The following TOP1MT variants were observed in gnomAD, a reference collection of about 807,000 sequenced individuals.
TOP1MT encodes the protein DNA topoisomerase I, mitochondrial.
Under a neutral mutation model 73.9 loss-of-function variants are expected in TOP1MT, and 80 were observed. That is an observed-to-expected ratio of 1.08 (90% confidence interval 0.90 to 1.30). TOP1MT has a LOEUF of 1.30. Among genes scored for constraint, TOP1MT ranks in the 50% most tolerant of loss-of-function variants. The probability of loss-of-function intolerance (pLI) is 0.00; values close to 1 mark genes in which losing one functional copy is unlikely to be tolerated. For synonymous variants in TOP1MT, 338 were observed against 326.4 expected (o/e 1.04, Z -0.38); for missense variants, 815 against 808.0 (o/e 1.01, Z -0.10).
At chr8:143,312,373 C>T (rs1327360494) in intron 12 of TOP1MT, among the ~76,000 whole-genome samples, 1 of 152,072 alleles carries the variant, frequency 6.6e-6, no homozygotes. Context: ...TACACAATTG[C>T]TCAAGTAGGA....
rs1278424258 is a variant in TOP1MT at position 143,334,788 on chromosome 8, G to C, written c.74C>G (p.Ser25Cys). The change falls in exon 1 of 14, where the codon TCC becomes TGC. Residue 25 changes from serine to cysteine, a missense_variant. Around this residue, in one of 3 missense-constraint regions of TOP1MT, gnomAD observed 60 missense variants for 65.9 expected, o/e 0.91. Coordinates refer to ENST00000329245, the MANE Select transcript of TOP1MT (RefSeq NM_052963.3). Reference sequence around the variant, plus strand: ...CCTGCGCGAGCCCGGGACACCCCGGGAGGCCGGGCGGCGGGGGACCTCCCC... The same window carrying C: ...CCTGCGCGAGCCCGGGACACCCCGGCAGGCCGGGCGGCGGGGGACCTCCCC... ...LLGEVPRRPASRGVPGSRRTQ... is the reference protein window; with the variant it reads ...LLGEVPRRPACRGVPGSRRTQ... 8 of 1,587,708 alleles carry C rather than the reference G, an allele frequency of 5.0e-6. No homozygotes were observed. Among genetic ancestry groups the C allele is most frequent in the Non-Finnish European group, 5.1e-6 (6 of 1,169,992 alleles).
chr8:143,342,742 GCT>G (rs1365289964), intron 2 of TOP1MT, among the ~76,000 whole-genome samples: 1 of 95,262 alleles, frequency 1.0e-5, no homozygotes, highest in Non-Finnish European at 2.4e-5. Flanking sequence ...ACAGAGTCTC[GCT>G]CTGTTATTAT....
chr8:143,342,973 C>T (rs537093098), intron 2 of TOP1MT, among the ~76,000 whole-genome samples: 1 of 151,982 alleles, frequency 6.6e-6, no homozygotes, highest in Non-Finnish European at 1.5e-5. Flanking sequence ...GTTGGACAGG[C>T]TGGTCTCAAA....
chr8:143,340,581 GCTT>G, intron 2 of TOP1MT, among the ~76,000 whole-genome samples: 1 of 152,126 alleles, frequency 6.6e-6, no homozygotes, highest in Non-Finnish European at 1.5e-5. Context: ...TCTTCTTGGG[GCTT>G]CTTCACCAGG....
chr8:143,348,870 A>G (rs569219724), upstream of TOP1MT, among the ~76,000 whole-genome samples: 24 of 152,300 alleles, frequency 1.6e-4, no homozygotes, highest in African/African-American at 5.5e-4. This position sits in a 1 kb window ranked among gnomAD's most constrained non-coding sequence, Gnocchi z 4.6. Context: ...CAGCCCGGCC[A>G]GCGTACCCCG....
chr8:143,316,174 C>T (rs1816157348), intron 10 of TOP1MT, 48 bp from the exon 11 acceptor site: 1 of 1,612,720 alleles, frequency 6.2e-7, no homozygotes. Context: ...GCCGGCCACC[C>T]TCCCTGTCTG....
rs768046456 is a variant in TOP1MT, at chr8:143,318,102, G to C, written c.1147-16C>G. The C allele has an allele frequency of 6.2e-7, 1 of 1,613,452 alleles. No individual in the cohort carries two copies. Among genetic ancestry groups the C allele is most frequent in the Non-Finnish European group, 8.5e-7 (1 of 1,179,430 alleles). On this transcript the variant is annotated splice_polypyrimidine_tract_variant and intron_variant, in intron 8 of 13. Transcript: ENST00000329245. ...TCTTGTACACCTGAAGGAGAAAGAA[G>C]GAATTTCAGAGGACAGAAAAAACCC...
intron 12 of TOP1MT, among the ~76,000 whole-genome samples, chr8:143,311,117 A>ATTTT (rs769172231): frequency 8.4e-5 from 9 of 106,830 alleles, no homozygotes; most frequent in Non-Finnish European, 1.3e-4. Context: ...CACGCACATG[A>ATTTT]TTTTTTTTTT....
upstream of TOP1MT, among the ~76,000 whole-genome samples, chr8:143,337,197 C>T (rs1000086826): frequency 3.9e-5 from 6 of 152,264 alleles, no homozygotes; most frequent in Admixed American, 1.3e-4. Flanking sequence ...GAGGCCGAGA[C>T]GGGCGGATCA....
chr8:143,329,530 G>C, intron 2 of TOP1MT, 59 bp from the exon 3 acceptor site: 2 of 1,576,118 alleles, frequency 1.3e-6, no homozygotes, highest in South Asian at 2.3e-5. Context: ...GCCTCCAGCT[G>C]ACATGACCTC....
chr8:143,358,563 A>G (rs897330757), upstream of TOP1MT: 8 of 152,274 alleles, frequency 5.3e-5, no homozygotes, highest in African/African-American at 1.9e-4. Context: ...CTGCTTCCCA[A>G]AAGTATTTGC....
At position 143,324,053 on chromosome 8, in the gene TOP1MT, C is replaced by G; in HGVS notation, c.906G>C (p.Lys302Asn). ...EIRSQYRADW[K>N]SREMKTRQRA... is the part of the protein sequence containing the mutation. Reference sequence around the variant, plus strand: ...GCTGTCTCGTCTTCATTTCCCGAGACTTCCAGTCAGCCCGGTACTGGGAGC... The same window carrying G: ...GCTGTCTCGTCTTCATTTCCCGAGAGTTCCAGTCAGCCCGGTACTGGGAGC... The change falls in exon 7 of 14, where the codon AAG (lysine) becomes AAC (asparagine). Residue 302 changes from lysine to asparagine, a missense_variant. Coordinates refer to ENST00000329245, the MANE Select transcript of TOP1MT (RefSeq NM_052963.3). 6.2e-7 allele frequency: 1 copy of G among 1,613,916 alleles called. No homozygotes were observed. The highest frequency in any genetic ancestry group is 1.1e-5 in the South Asian group (1 of 91,092).
At chr8:143,356,276 C>G (rs1817405633), upstream of TOP1MT, among the ~76,000 whole-genome samples, 1 of 152,194 alleles carries the variant, frequency 6.6e-6, no homozygotes, top group African/African-American at 2.4e-5. Flanking sequence ...TTCCAGGTAA[C>G]CAGTAACCAA....
rs776342943 is a variant in TOP1MT at position 143,334,785 on chromosome 8, C to T, written c.77G>A (p.Arg26Gln). The T allele has an allele frequency of 3.8e-6, 6 of 1,588,506 alleles. No individual in the cohort carries two copies. The highest frequency in any genetic ancestry group is 2.4e-5 in the East Asian group (1 of 40,928). Residue 26 changes from arginine (R) to glutamine (Q), a missense_variant, in exon 1 of 14, where the codon CGG (arginine) becomes CAG (glutamine). Around this residue, in one of 3 missense-constraint regions of TOP1MT, gnomAD observed 60 missense variants for 65.9 expected, o/e 0.91. Transcript: ENST00000329245. ...LGEVPRRPAS[R>Q]GVPGSRRTQK... is the part of the protein sequence containing the mutation. ...CGTCCTGCGCGAGCCCGGGACACCC[C>T]GGGAGGCCGGGCGGCGGGGGACCTC...
rs754634196 is a variant in TOP1MT, at chr8:143,329,415, T to A, written c.295A>T (p.Met99Leu). The change falls in exon 3 of 14, where the codon ATG becomes TTG. Residue 99 changes from methionine (M) to leucine (L), a missense_variant. Physicochemically the swap from Met to Leu is conservative, Grantham distance 15. Transcript: ENST00000329245. ...TTTGTTGTGTATTCATGATCTAACA[T>A]CCTCCCATAAAAAGTGGCGACCTCC... ...AEEVATFYGR[M>L]LDHEYTTKEV... The A allele has an allele frequency of 1.2e-6, 2 of 1,610,306 alleles. No individual in the cohort carries two copies. Among genetic ancestry groups the A allele is most frequent in the African/African-American group, 2.7e-5 (2 of 74,552 alleles).
At position 143,330,347 on chromosome 8, in the gene TOP1MT, G is replaced by C. The variant is rs1394899128; in HGVS notation, c.239-876C>G. On this transcript the variant is annotated intron_variant, in intron 2 of 13. Transcript: ENST00000329245. ...TGCAGGGCTGCTGTGGGGCAGGCGA[G>C]GCAGCCGCTACACCAGGCCAGGGGC... Among the ~76,000 whole-genome samples, 5 of 152,370 alleles carry C rather than the reference G, an allele frequency of 3.3e-5. No homozygotes were observed. The East Asian group carries it at 9.7e-4, about 29-fold the overall frequency.
intron 10 of TOP1MT, among the ~76,000 whole-genome samples, chr8:143,317,055 T>C (rs895308736): frequency 2.9e-4 from 44 of 152,190 alleles, no homozygotes; most frequent in Admixed American, 7.9e-4. Flanking sequence ...GCGAAACACA[T>C]GCCGAGCGTC....
At chr8:143,332,159 A>G (rs938490122) in intron 1 of TOP1MT, among the ~76,000 whole-genome samples, 1 of 152,246 alleles carries the variant, frequency 6.6e-6, no homozygotes, top group African/African-American at 2.4e-5. Flanking sequence ...GGCAAGCCCA[A>G]GCCTGCCCTG....
chr8:143,323,022 A>ATGC (rs1563760662), intron 7 of TOP1MT, among the ~76,000 whole-genome samples: 2 of 38,334 alleles, frequency 5.2e-5, no homozygotes, highest in Admixed American at 4.7e-4. Flanking sequence ...ACACACATGC[A>ATGC]CACACACACA....
Sources: gnomAD v4.1 joint callset for allele counts (sites outside exome capture counted in the v4.1 genomes callset) on GRCh38, gnomAD v4.1.1 for gene constraint, gnomAD v4.1.1 regional missense constraint, Gnocchi (gnomAD v3.1) non-coding constraint, MANE v1.5 for transcripts, NCBI Gene and HGNC (gene_info 2026-07-23, HGNC 2026-07-21) for gene names.